The following TRANK1 variants were observed in gnomAD, a reference collection of about 807,000 sequenced individuals.
TRANK1 encodes tetratricopeptide repeat and ankyrin repeat containing 1, also known as TPR and ankyrin repeat-containing protein 1.
A neutral mutation model predicts 266.0 loss-of-function variants in TRANK1; 198 were observed. The ratio of observed to expected loss-of-function variants is 0.74; its 90% CI spans 0.66 to 0.84. The LOEUF (loss-of-function observed/expected upper bound fraction) is 0.84. Among genes scored for constraint, TRANK1 ranks in the 40% least tolerant of loss-of-function variants. The probability of loss-of-function intolerance (pLI) is 0.00; values close to 1 mark genes in which losing one functional copy is unlikely to be tolerated. For synonymous variants in TRANK1, 1,396 were observed against 1,384.1 expected, an observed-to-expected ratio of 1.01 and a Z score of -0.19; for missense variants, 3,326 against 3,634.6, an observed-to-expected ratio of 0.92 and a Z score of 2.18.
Position 36,944,956 on chromosome 3 carries a change from C to A in TRANK1, c.-147G>T, listed in dbSNP as rs2080552797. ...CGATGCAGAGGCGGCGTTCGGGGGCCCCCAGCTGCCTGCGGCTCGGCTACC... is the reference window on the plus strand; with the variant it reads ...CGATGCAGAGGCGGCGTTCGGGGGCACCCAGCTGCCTGCGGCTCGGCTACC... On this transcript the variant is annotated 5_prime_UTR_variant, in exon 1 of 24. Coordinates refer to ENST00000645898, the MANE Select transcript of TRANK1 (RefSeq NM_001329998.2). 2 of 744,938 alleles carry A rather than the reference C, an allele frequency of 2.7e-6. No individual in the cohort carries two copies. The highest frequency in any genetic ancestry group is 3.9e-6 in the Non-Finnish European group (2 of 516,204). 46.1% of individuals were successfully genotyped at this position (744,938 alleles called of 1,614,324 possible). A position where few individuals can be genotyped will look rare whatever the true frequency, so the allele number is the denominator to read the frequency against.
chr3:36,851,718 C>T lies in TRANK1; in HGVS notation c.4887+1G>A. The T allele has an allele frequency of 6.2e-7, 1 of 1,610,192 alleles. No homozygotes were observed. ...TGTGAAAAGAATTAGGTGTGACATACCTCAGAATCAGTAAAAAAGTTGTAA... is the reference window on the plus strand; with the variant it reads ...TGTGAAAAGAATTAGGTGTGACATATCTCAGAATCAGTAAAAAAGTTGTAA... On this transcript the variant is annotated splice_donor_variant, in intron 15 of 23. Coordinates refer to ENST00000645898, the MANE Select transcript of TRANK1 (RefSeq NM_001329998.2). LOFTEE classifies it high-confidence loss of function.
At chr3:36,927,132 C>T (rs926959257) in intron 1 of TRANK1, among the ~76,000 whole-genome samples, 2 of 152,124 alleles carry the variant, frequency 1.3e-5, no homozygotes, top group African/African-American at 2.4e-5. Flanking sequence ...GGTCCCACAG[C>T]GACTCTGCCT....
In TRANK1 at chr3:36,833,438, C is replaced by G; in HGVS notation, c.6145G>C (p.Ala2049Pro). 1 of 1,613,808 alleles carries G rather than the reference C, an allele frequency of 6.2e-7. No individual in the cohort carries two copies. The highest frequency in any genetic ancestry group is 8.5e-7 in the Non-Finnish European group (1 of 1,179,782). ...ILRDFQKLRD[A>P]FFKFDTLNHS... ...TTGAGCGTGTCAAACTTGAAGAAGG[C>G]ATCCCTGAGCTTCTGAAAGTCTCTC... The change falls in exon 22 of 24, where the codon GCC becomes CCC. Residue 2049 changes from alanine (A) to proline (P), a missense_variant. Ala to Pro is a conservative substitution (Grantham distance 27, BLOSUM62 -1). Transcript: ENST00000645898.
intron 8 of TRANK1, 131 bp downstream of exon 8, chr3:36,889,698 T>C: frequency 3.2e-6 from 4 of 1,264,880 alleles, no homozygotes; most frequent in Non-Finnish European, 4.2e-6. Context: ...TCAAGTTTAG[T>C]TCAAGGGGAA....
At chr3:36,850,798 C>CT in intron 15 of TRANK1, 1 of 985,360 alleles carries the variant, frequency 1.0e-6, no homozygotes. Flanking sequence ...AGGAAGGACT[C>CT]TATCTAAAGG....
chr3:36,845,919 A>G (rs76487032), intron 17 of TRANK1, among the ~76,000 whole-genome samples: 4,398 of 152,254 alleles, frequency 0.029, 211 homozygotes, highest in African/African-American at 0.098. Flanking sequence ...TACCATCTTT[A>G]TTTTGATAGA....
In TRANK1 at chr3:36,831,269, A is replaced by G; in HGVS notation, c.8314T>C (p.Cys2772Arg). 6.2e-7 allele frequency: 1 copy of G among 1,613,284 alleles called. No homozygotes were observed. The highest frequency in any genetic ancestry group is 8.5e-7 in the Non-Finnish European group (1 of 1,179,856). The stretch of plus-strand genomic sequence containing the variant: ...GGGCCACGGGTAAACTTCACTCCAC[A>G]TAGGTCACACTGGGTCCTGTCCACG... The part of the protein sequence containing the change: ...ADVDRTQCDL[C>R]GVKFTRGPEN... Residue 2772 changes from cysteine to arginine, a missense_variant, in exon 22 of 24, where the codon TGT becomes CGT. Cys to Arg is a radical substitution (Grantham distance 180, BLOSUM62 -3). Coordinates refer to ENST00000645898, the MANE Select transcript of TRANK1 (RefSeq NM_001329998.2). This position sits in a 1 kb window ranked among gnomAD's most constrained non-coding sequence, Gnocchi z 5.0.
At chr3:36,837,222 T>C (rs2078782141) in intron 20 of TRANK1, among the ~76,000 whole-genome samples, 2 of 152,222 alleles carry the variant, frequency 1.3e-5, no homozygotes, top group Non-Finnish European at 2.9e-5. Flanking sequence ...CTTTCAGGGA[T>C]TCCTGTGCCT....
intron 1 of TRANK1, among the ~76,000 whole-genome samples, chr3:36,913,134 C>T (rs779131065): frequency 1.3e-5 from 2 of 151,912 alleles, no homozygotes; most frequent in Non-Finnish European, 2.9e-5. Flanking sequence ...CTCCATCTCT[C>T]GAATTCAAGC....
Position 36,838,497 on chromosome 3 carries a change from G to T in TRANK1, c.5392C>A (p.Gln1798Lys). Residue 1798 changes from glutamine (Q) to lysine (K), a missense_variant, in exon 20 of 24, where the codon CAG (glutamine) becomes AAG (lysine). Gln to Lys is a moderately conservative substitution (Grantham distance 53). Transcript: ENST00000645898. The stretch of plus-strand genomic sequence containing the variant: ...TTAGCCAATTCCAAATATTCCAACT[G>T]CTTTTCCCTAGGGGAAGGAAAACAA... The part of the protein sequence containing the change: ...KSKKVSPKEK[Q>K]LEYLELAKTY... The T allele has an allele frequency of 6.2e-7, 1 of 1,613,864 alleles. No homozygotes were observed. Among genetic ancestry groups the T allele is most frequent in the East Asian group, 2.2e-5 (1 of 44,896 alleles).
intron 12 of TRANK1, 98 bp from the exon 13 acceptor site, chr3:36,858,147 A>G: frequency 9.6e-7 from 1 of 1,041,910 alleles, no homozygotes; most frequent in East Asian, 2.6e-5. Context: ...GGGGCATCTC[A>G]GAATGCTGAA....
In TRANK1 at chr3:36,832,343, T is replaced by C. The variant is rs1449095046; in HGVS notation, c.7240A>G (p.Ile2414Val). 1 of 1,613,882 alleles carries C rather than the reference T, an allele frequency of 6.2e-7. No homozygotes were observed. The highest frequency in any genetic ancestry group is 1.3e-5 in the African/African-American group (1 of 74,916). ...LCFIRLLENC[I>V]DQFYVYRNPE... ...TTCCTGTACACGTAGAATTGATCAA[T>C]GCAATTCTCCAGAAGCCGGATGAAG... is the stretch of plus-strand genomic sequence containing the variant. Residue 2414 changes from isoleucine (I) to valine (V), a missense_variant, in exon 22 of 24, where the codon ATT (isoleucine) becomes GTT (valine). By Grantham distance (29) the Ile-to-Val change is conservative (BLOSUM62 3). Coordinates refer to ENST00000645898, the MANE Select transcript of TRANK1 (RefSeq NM_001329998.2).
intron 10 of TRANK1, among the ~76,000 whole-genome samples, 168 bp from the exon 11 acceptor site, chr3:36,861,328 T>G (rs2079139336): frequency 6.6e-6 from 1 of 152,108 alleles, no homozygotes; most frequent in Non-Finnish European, 1.5e-5. Flanking sequence ...GTAATGACCT[T>G]GAGACTTCAT....
chr3:36,841,597 GA>G (rs769366563), intron 18 of TRANK1, among the ~76,000 whole-genome samples: 30 of 152,200 alleles, frequency 2.0e-4, no homozygotes, highest in Non-Finnish European at 3.7e-4. Flanking sequence ...TTGCAGCTAG[GA>G]AGGTGTATGT....
chr3:36,846,913 T>C (rs1156881774), intron 16 of TRANK1, among the ~76,000 whole-genome samples: 2 of 152,140 alleles, frequency 1.3e-5, no homozygotes, highest in African/African-American at 4.8e-5. Flanking sequence ...TACCTTATGA[T>C]TGCATCAAAA....
chr3:36,939,518 C>G (rs1418066702), intron 1 of TRANK1, among the ~76,000 whole-genome samples: 6 of 152,208 alleles, frequency 3.9e-5, no homozygotes, highest in Admixed American at 3.9e-4. Context: ...GTTCTCTCTT[C>G]CAGGCCTGGT....
intron 9 of TRANK1, among the ~76,000 whole-genome samples, chr3:36,865,340 A>C (rs2079201126): frequency 6.6e-6 from 1 of 152,010 alleles, no homozygotes; most frequent in Admixed American, 6.6e-5. Flanking sequence ...TCTTGTTTTA[A>C]GCCACGAAAA....
Position 36,856,962 on chromosome 3 carries a change from G to A in TRANK1, c.2760C>T (p.Ala920=), listed in dbSNP as rs544069818. 11 of 1,613,800 alleles carry A rather than the reference G, an allele frequency of 6.8e-6. No homozygotes were observed. The highest frequency in any genetic ancestry group is 6.6e-5 in the South Asian group (6 of 91,064). The change falls in exon 13 of 24, where the codon GCC becomes GCT. Residue 920 remains alanine, a synonymous_variant. Transcript: ENST00000645898. The stretch of plus-strand genomic sequence containing the variant: ...CCATTGCACACGTGTTCTGCTCCGT[G>A]GCAATGATCTTCTCAGGGTTCTCAC... The part of the protein sequence containing the change: ...RCSENPEKII[A]TEQNTCAMEK...
intron 5 of TRANK1, 116 bp downstream of exon 5, chr3:36,895,524 A>T (rs976799341): frequency 1.6e-6 from 1 of 616,030 alleles, no homozygotes; most frequent in Non-Finnish European, 2.6e-6. Context: ...CTAGTTAAAA[A>T]TTTACCCTGG....
Sources: allele counts gnomAD v4.1 joint callset (sites outside exome capture counted in the v4.1 genomes callset), GRCh38; gene constraint gnomAD v4.1.1; non-coding constraint Gnocchi (gnomAD v3.1); transcripts MANE v1.5; gene names NCBI Gene and HGNC (gene_info 2026-07-23, HGNC 2026-07-21).